Variants in PRMT2 observed in about 807,000 individuals in gnomAD.
PRMT2 encodes the protein protein arginine methyltransferase 2, also known as protein arginine N-methyltransferase 2.
In PRMT2, 26 loss-of-function variants were observed where a neutral mutation model predicts 57.6. That is an observed-to-expected ratio of 0.45 (90% CI 0.33 to 0.63). The LOEUF (loss-of-function observed/expected upper bound fraction) is 0.63. PRMT2 is among the 20% of genes least tolerant of loss of function. PRMT2 has a pLI of 0.02. For missense variants in PRMT2, 472 were observed against 564.4 expected (o/e 0.84, Z 1.66); for synonymous variants, 219 against 220.0 (o/e 1.00, Z 0.04).
At position 46,637,000 on chromosome 21, in the gene PRMT2, G is replaced by A. The variant is rs764785748; in HGVS notation, c.39+10G>A. The A allele has an allele frequency of 1.2e-6, 2 of 1,613,400 alleles. No homozygotes were observed. The highest frequency in any genetic ancestry group is 1.7e-5 in the Admixed American group (1 of 59,892). On this transcript the variant is annotated intron_variant, in intron 3 of 11. Transcript: ENST00000355680. ...CAGAAGTGAATCGCAGGTAATTTCC[G>A]TTCCACTTCCTAAAAATCTGTGTTT...
chr21:46,641,498 GCCAACA>G (rs1433788284), intron 3 of PRMT2, among the ~76,000 whole-genome samples: 1 of 152,138 alleles, frequency 6.6e-6, no homozygotes, highest in Non-Finnish European at 1.5e-5. Flanking sequence ...GACCAGCCTG[GCCAACA>G]TGATGAAACC....
At chr21:46,641,685 C>T (rs1322185387) in intron 3 of PRMT2, among the ~76,000 whole-genome samples, 1 of 150,646 alleles carries the variant, frequency 6.6e-6, no homozygotes, top group Non-Finnish European at 1.5e-5. Context: ...GAGCGAGACT[C>T]CATCCTAAAA....
chr21:46,659,016 T>C lies in PRMT2; in HGVS notation c.830+96T>C, dbSNP rs990772121. On this transcript the variant is annotated intron_variant, in intron 8 of 11. Transcript: ENST00000355680. The stretch of plus-strand genomic sequence containing the variant: ...GGCCCTGGGAGATCCCATACGACGG[T>C]TGGATAAATGAGGGTACCTGTGCAC... 27 of 1,485,764 alleles carry C rather than the reference T, an allele frequency of 1.8e-5. No individual in the cohort carries two copies. In the African/African-American group the frequency reaches 3.2e-4, roughly 18 times the overall value. The allele number at this position is 1,485,764 out of a possible 1,614,324, so 92.0% of individuals were successfully genotyped here.
At position 46,664,304 on chromosome 21, in the gene PRMT2, A is replaced by G; in HGVS notation, c.1279A>G (p.Lys427Glu). 6.2e-7 allele frequency: 1 copy of G among 1,613,390 alleles called. No individual in the cohort carries two copies. Residue 427 changes from lysine to glutamate, a missense_variant, in exon 12 of 12, where the codon AAA becomes GAA. Lys to Glu is a moderately conservative substitution (Grantham distance 56, BLOSUM62 1). Transcript: ENST00000355680. Reference protein sequence around the residue: ...QDPTSQKVGEKVFPIWR With the variant: ...QDPTSQKVGEEVFPIWR ...CATTTATCTTTTTCAGGTTGGAGAA[A>G]AAGTCTTCCCCATCTGGAGATGACA...
chr21:46,652,124 C>T (rs1024787357), intron 7 of PRMT2: 19 of 1,474,852 alleles, frequency 1.3e-5, no homozygotes, highest in Middle Eastern at 1.8e-4. Context: ...GGTGCTGGAA[C>T]GACTGATTTG....
At chr21:46,641,621 G>A (rs1004345681) in intron 3 of PRMT2, among the ~76,000 whole-genome samples, 1 of 152,178 alleles carries the variant, frequency 6.6e-6, no homozygotes, top group African/African-American at 2.4e-5. Flanking sequence ...GAACTGGGGA[G>A]GTGGAGGTTG....
intron 5 of PRMT2, 111 bp downstream of exon 5, chr21:46,644,599 CTG>C: frequency 9.2e-7 from 1 of 1,082,830 alleles, no homozygotes; most frequent in Admixed American, 3.0e-5. Context: ...CAGAGCTCCT[CTG>C]TTGTAGCCAC....
chr21:46,651,123 G>A (rs1601937677), intron 7 of PRMT2, among the ~76,000 whole-genome samples: 1 of 152,320 alleles, frequency 6.6e-6, no homozygotes, highest in East Asian at 1.9e-4. Context: ...TTCTGTGTGA[G>A]GGGAGGCCCC....
At chr21:46,643,226 C>A in intron 3 of PRMT2, 1 of 216,642 alleles carries the variant, frequency 4.6e-6, no homozygotes, top group Non-Finnish European at 8.3e-6. Context: ...TTGATGATCA[C>A]CTTCAGGAAG....
intron 3 of PRMT2, among the ~76,000 whole-genome samples, chr21:46,640,960 A>G (rs553219629): frequency 7.7e-4 from 117 of 151,958 alleles, no homozygotes; most frequent in Middle Eastern, 3.4e-3. Flanking sequence ...TTTGTAAAAC[A>G]ATTTCTTGAG....
In PRMT2 at chr21:46,664,280, A is replaced by T; in HGVS notation, c.1270-15A>T. 1 of 1,594,628 alleles carries T rather than the reference A, an allele frequency of 6.3e-7. No individual in the cohort carries two copies. Among genetic ancestry groups the T allele is most frequent in the Non-Finnish European group, 8.6e-7 (1 of 1,162,226 alleles). On this transcript the variant is annotated splice_polypyrimidine_tract_variant and intron_variant, in intron 11 of 11. Coordinates refer to ENST00000355680, the MANE Select transcript of PRMT2 (RefSeq NM_206962.4). ...TTTATCATCTGATTGACCTGTTGTCATTTATCTTTTTCAGGTTGGAGAAAA... is the reference window on the plus strand; with the variant it reads ...TTTATCATCTGATTGACCTGTTGTCTTTTATCTTTTTCAGGTTGGAGAAAA...
In PRMT2 at chr21:46,637,120, C is replaced by G. The variant is rs1010831668; in HGVS notation, c.39+130C>G. ...GAAGGTGGCCACCGGCAGTAGAATGCTTAAATGTGAAGATTGTGAGGCAGA... is the reference window on the plus strand; with the variant it reads ...GAAGGTGGCCACCGGCAGTAGAATGGTTAAATGTGAAGATTGTGAGGCAGA... On this transcript the variant is annotated intron_variant, in intron 3 of 11. Transcript: ENST00000355680. The G allele has an allele frequency of 3.6e-6, 3 of 835,706 alleles. No homozygotes were observed. The African/African-American group carries it at 5.2e-5, about 15-fold the overall frequency. The allele number at this position is 835,706 out of a possible 1,614,324, so 51.8% of individuals were successfully genotyped here.
At chr21:46,651,666 C>A (rs1319952285) in intron 7 of PRMT2, 8 of 970,758 alleles carry the variant, frequency 8.2e-6, no homozygotes, top group Non-Finnish European at 1.2e-5. Context: ...CCAAGGAGGC[C>A]CAGAACAGGG....
At chr21:46,650,108 A>G (rs1013002352) in intron 7 of PRMT2, among the ~76,000 whole-genome samples, 1 of 152,110 alleles carries the variant, frequency 6.6e-6, no homozygotes, top group Non-Finnish European at 1.5e-5. Context: ...GGCCCCAGTG[A>G]TGCTGTGAAG....
chr21:46,660,267 C>G (rs2061600206), intron 8 of PRMT2: 1 of 627,764 alleles, frequency 1.6e-6, no homozygotes, highest in Non-Finnish European at 2.0e-6. Context: ...GGCCATGCGG[C>G]GTCTAGTGTC....
Position 46,665,034 on chromosome 21 carries a change from A to C in PRMT2, c.*707A>C, listed in dbSNP as rs2061683298. 1.3e-5 allele frequency: 2 copies of C among 152,174 alleles called. No individual in the cohort carries two copies. The highest frequency in any genetic ancestry group is 2.1e-4 in the South Asian group (1 of 4,834). 9.4% of individuals were successfully genotyped at this position (152,174 alleles called of 1,614,324 possible). A position where few individuals can be genotyped will look rare whatever the true frequency, so the allele number is the denominator to read the frequency against. ...ATGCATTGCTTTATAAGTTTTTCTC[A>C]ATATTGTGAAAAAACTTCCACATCA... On this transcript the variant is annotated 3_prime_UTR_variant, in exon 12 of 12. Transcript: ENST00000355680.
At chr21:46,661,100 A>G in intron 9 of PRMT2, 138 bp downstream of exon 9, 1 of 885,592 alleles carries the variant, frequency 1.1e-6, no homozygotes, top group Non-Finnish European at 1.6e-6. Context: ...TATGCAAATA[A>G]GTGAATTTAT....
In PRMT2 at chr21:46,649,382, G is replaced by T; in HGVS notation, c.490-193G>T. ...TCCGGGAGGTGGGGGCAGTTGGGAG[G>T]GTTAGAGGCGGCTCCTTTCTGGGTG... On this transcript the variant is annotated intron_variant, in intron 6 of 11. Coordinates refer to ENST00000355680, the MANE Select transcript of PRMT2 (RefSeq NM_206962.4). This position sits in a 1 kb window ranked among gnomAD's most constrained non-coding sequence, Gnocchi z 4.8. 1 of 794,264 alleles carries T rather than the reference G, an allele frequency of 1.3e-6. No homozygotes were observed. Among genetic ancestry groups the T allele is most frequent in the Non-Finnish European group, 2.1e-6 (1 of 474,694 alleles). 49.2% of individuals were successfully genotyped at this position (794,264 alleles called of 1,614,324 possible). A position where few individuals can be genotyped will look rare whatever the true frequency, so the allele number is the denominator to read the frequency against.
chr21:46,654,097 G>A, intron 7 of PRMT2: 1 of 985,506 alleles, frequency 1.0e-6, no homozygotes, highest in Non-Finnish European at 1.2e-6. Context: ...CTCCTTCCCA[G>A]CAGCTGGACC....
Sources: allele counts gnomAD v4.1 joint callset (sites outside exome capture counted in the v4.1 genomes callset), GRCh38; gene constraint gnomAD v4.1.1; non-coding constraint Gnocchi (gnomAD v3.1); transcripts MANE v1.5; gene names NCBI Gene and HGNC (gene_info 2026-07-23, HGNC 2026-07-21).